Variants in LRBA observed in about 807,000 individuals in gnomAD.
LRBA encodes the protein lipopolysaccharide-responsive and beige-like anchor protein.
Under a neutral mutation model 330.0 loss-of-function variants are expected in LRBA, and 176 were observed. The observed-to-expected ratio is 0.53, with a 90% CI of 0.47 to 0.60. LRBA has a LOEUF of 0.60. LRBA is among the 20% of genes least tolerant of loss of function. LRBA has a pLI of 0.00. For missense variants in LRBA, 3,259 were observed against 3,444.8 expected (o/e 0.95, Z 1.35); for synonymous variants, 1,230 against 1,193.0 (o/e 1.03, Z -0.64).
At chr4:150,600,382 T>C (rs557626944) in intron 37 of LRBA, among the ~76,000 whole-genome samples, 131 of 152,286 alleles carry the variant, frequency 8.6e-4, no homozygotes, top group African/African-American at 3.0e-3. Flanking sequence ...GTTACCTTTA[T>C]TTTGATGTTT....
In LRBA at chr4:150,844,206, C is replaced by T; in HGVS notation, c.4463G>A (p.Ser1488Asn). 1.3e-6 allele frequency: 2 copies of T among 1,561,940 alleles called. No individual in the cohort carries two copies. The highest frequency in any genetic ancestry group is 2.3e-5 in the South Asian group (2 of 86,122). Reference protein sequence around the residue: ...LIPLGKSAAKSPVDIVTGGIS... With the variant: ...LIPLGKSAAKNPVDIVTGGIS... ...ACCGCCAGTCACAATGTCCACTGGG[C>T]TCTATTTAAGATTAAAAAAAAATTG... Residue 1488 changes from serine (S) to asparagine (N), a missense_variant and splice_region_variant, in exon 28 of 57, where the codon AGC (serine) becomes AAC (asparagine). By Grantham distance (46) the Ser-to-Asn change is conservative. Coordinates refer to ENST00000651943, the MANE Select transcript of LRBA (RefSeq NM_001364905.1).
chr4:150,728,612 T>C (rs1289915521), intron 36 of LRBA, among the ~76,000 whole-genome samples: 3 of 152,188 alleles, frequency 2.0e-5, no homozygotes, highest in East Asian at 1.9e-4. Flanking sequence ...ATCATTTCAA[T>C]TGATGCTGAA....
rs113674706 is a variant in LRBA at position 150,633,411 on chromosome 4, A to T, written c.5922-34280T>A. Among the ~76,000 whole-genome samples the T allele has an allele frequency of 1.2e-3, 189 of 152,332 alleles. 3 individuals are homozygous for T. Among genetic ancestry groups the T allele is most frequent in the African/African-American group, 4.5e-3 (185 of 41,566 alleles). ...TCTTTTGTTCACTGTCTAATCCCCAAATCTTTAGACAATGGCTGACACACT... is the reference window on the plus strand; with the variant it reads ...TCTTTTGTTCACTGTCTAATCCCCATATCTTTAGACAATGGCTGACACACT... On this transcript the variant is annotated intron_variant, in intron 37 of 56. Transcript: ENST00000651943.
chr4:150,318,160 T>G (rs1237914299), intron 50 of LRBA, among the ~76,000 whole-genome samples: 2 of 152,118 alleles, frequency 1.3e-5, no homozygotes, highest in Admixed American at 1.3e-4. Flanking sequence ...CCCTCTTTCA[T>G]TAGAGCAGGA....
intron 18 of LRBA, among the ~76,000 whole-genome samples, 157 bp from the exon 19 acceptor site, chr4:150,871,610 G>C (rs991931139): frequency 6.6e-6 from 1 of 151,544 alleles, no homozygotes; most frequent in Non-Finnish European, 1.5e-5. Flanking sequence ...AACTTTTAAG[G>C]CCACAAAACC....
intron 2 of LRBA, among the ~76,000 whole-genome samples, chr4:150,990,960 C>T (rs577262690): frequency 1.3e-5 from 2 of 151,070 alleles, no homozygotes; most frequent in Admixed American, 1.3e-4. Flanking sequence ...AGCGCTGAAC[C>T]AGGGAGGCGC....
At chr4:150,750,666 C>T (rs1733404993) in intron 35 of LRBA, among the ~76,000 whole-genome samples, 2 of 151,950 alleles carry the variant, frequency 1.3e-5, no homozygotes, top group African/African-American at 4.8e-5. Context: ...CTCCTGGGCT[C>T]AAGCAATCCT....
At chr4:150,472,824 T>C (rs1756297166) in intron 42 of LRBA, among the ~76,000 whole-genome samples, 1 of 152,112 alleles carries the variant, frequency 6.6e-6, no homozygotes, top group African/African-American at 2.4e-5. Flanking sequence ...GTATCCACAG[T>C]TCATTCCTTT....
intron 40 of LRBA, among the ~76,000 whole-genome samples, chr4:150,491,546 C>T (rs1171795673): frequency 6.6e-6 from 1 of 152,052 alleles, no homozygotes; most frequent in East Asian, 1.9e-4. Context: ...GTTAAGGCAA[C>T]AGTCACTCAT....
chr4:150,801,624 A>G (rs1285762642), intron 33 of LRBA, among the ~76,000 whole-genome samples: 2 of 152,234 alleles, frequency 1.3e-5, no homozygotes, highest in East Asian at 1.9e-4. Flanking sequence ...ACTGTGGTAC[A>G]TAATCATCCC....
At chr4:150,754,234 T>C (rs868842629) in intron 35 of LRBA, among the ~76,000 whole-genome samples, 2 of 152,070 alleles carry the variant, frequency 1.3e-5, no homozygotes, top group South Asian at 4.1e-4. Context: ...ATGTCAGTAC[T>C]TTAAGCCAAA....
At chr4:150,355,630 G>C (rs1254509080) in intron 47 of LRBA, among the ~76,000 whole-genome samples, 1 of 151,998 alleles carries the variant, frequency 6.6e-6, no homozygotes, top group Non-Finnish European at 1.5e-5. Flanking sequence ...AGGTACAAAG[G>C]TTCTGAGATA....
At chr4:150,389,799 T>A (rs191365327) in intron 47 of LRBA, among the ~76,000 whole-genome samples, 83 of 151,720 alleles carry the variant, frequency 5.5e-4, no homozygotes, top group Non-Finnish European at 7.8e-4. Flanking sequence ...GGATCAATAA[T>A]GAATGGATTC....
chr4:150,798,217 G>C, intron 33 of LRBA, 75 bp from the exon 34 acceptor site: 1 of 949,648 alleles, frequency 1.1e-6, no homozygotes, highest in South Asian at 1.3e-5. Context: ...CATCCAAACT[G>C]TTTCTTCAAA....
intron 34 of LRBA, among the ~76,000 whole-genome samples, chr4:150,776,506 A>C (rs536895594): frequency 6.6e-6 from 1 of 152,300 alleles, no homozygotes; most frequent in Admixed American, 6.5e-5. Context: ...ATGAAAAATA[A>C]ATTTTAAATT....
intron 46 of LRBA, among the ~76,000 whole-genome samples, chr4:150,415,869 G>A (rs1004396922): frequency 2.0e-5 from 3 of 152,016 alleles, no homozygotes; most frequent in Non-Finnish European, 4.4e-5. Flanking sequence ...AAATATTTTA[G>A]TAATAACTGA....
intron 34 of LRBA, among the ~76,000 whole-genome samples, chr4:150,780,637 A>ATATACATATATATACACG (rs1738054808): frequency 6.7e-6 from 1 of 148,960 alleles, no homozygotes; most frequent in African/African-American, 2.5e-5. Flanking sequence ...ACACGTATAT[A>ATATACATATATATACACG]TATATATATG....
intron 40 of LRBA, among the ~76,000 whole-genome samples, chr4:150,520,601 C>T (rs1425677348): frequency 6.6e-6 from 1 of 152,130 alleles, no homozygotes; most frequent in Non-Finnish European, 1.5e-5. Flanking sequence ...GAATACTATG[C>T]AGCCATAAGA....
chr4:150,614,111 C>T (rs887185299), intron 37 of LRBA, among the ~76,000 whole-genome samples: 3 of 152,214 alleles, frequency 2.0e-5, no homozygotes, highest in Non-Finnish European at 2.9e-5. Flanking sequence ...TCAACCCCTT[C>T]CTTCGGATTT....
Sources: allele counts gnomAD v4.1 joint callset (sites outside exome capture counted in the v4.1 genomes callset), GRCh38; gene constraint gnomAD v4.1.1; transcripts MANE v1.5; gene names NCBI Gene and HGNC (gene_info 2026-07-23, HGNC 2026-07-21).